The following MARCO variants were observed in gnomAD, a reference collection of about 807,000 sequenced individuals.
The protein encoded by MARCO is macrophage receptor with collagenous structure.
Under a neutral mutation model 70.0 loss-of-function variants are expected in MARCO, and 72 were observed. That is an observed-to-expected ratio of 1.03 (90% CI 0.85 to 1.25). The LOEUF is 1.25. Among genes scored for constraint, MARCO ranks in the 50% most tolerant of loss-of-function variants. The pLI is 0.00. For missense variants in MARCO, 696 were observed against 659.3 expected (o/e 1.06, Z -0.61); for synonymous variants, 273 against 243.1 (o/e 1.12, Z -1.14).
rs935486896 is a variant in MARCO, at chr2:118,990,645, G to C, written c.1108+12G>C. On this transcript the variant is annotated intron_variant, in intron 13 of 16. Transcript: ENST00000327097. ...ATCAGGAGTTCCAGGTAAAGGGCAG[G>C]CTGCATCTTCATCCCTCGGAGTGAT... 6.2e-7 allele frequency: 1 copy of C among 1,612,060 alleles called. No individual in the cohort carries two copies. Among genetic ancestry groups the C allele is most frequent in the South Asian group, 1.1e-5 (1 of 91,008 alleles).
At position 118,989,799 on chromosome 2, in the gene MARCO, A is replaced by G. The variant is rs373923284; in HGVS notation, c.1064-790A>G. Among the ~76,000 whole-genome samples, 76 of 152,280 alleles carry G rather than the reference A, an allele frequency of 5.0e-4. 2 individuals are homozygous for G. The East Asian group carries it at 0.014, about 28-fold the overall frequency. On this transcript the variant is annotated intron_variant, in intron 12 of 16. Transcript: ENST00000327097. Reference sequence around the variant, plus strand: ...TATTGATAGTCAATAATGAGCTTGCATTTTCCCAAGTTTGTGTAACTGCCT... The same window carrying G: ...TATTGATAGTCAATAATGAGCTTGCGTTTTCCCAAGTTTGTGTAACTGCCT...
At chr2:118,986,594 A>G (rs911805893) in intron 12 of MARCO, among the ~76,000 whole-genome samples, 121 of 8,080 alleles carry the variant, frequency 0.015, 1 homozygote, top group African/African-American at 0.053. Context: ...AAGAAGAAAG[A>G]AAGAAAGAAA....
intron 12 of MARCO, among the ~76,000 whole-genome samples, chr2:118,983,335 G>A (rs1680429613): frequency 6.6e-6 from 1 of 152,152 alleles, no homozygotes; most frequent in African/African-American, 2.4e-5. Context: ...ACCTACACTG[G>A]GACCTGGCCC....
chr2:118,974,303 C>T (rs1376116103), intron 4 of MARCO, 30 bp from the exon 5 acceptor site: 29 of 1,340,630 alleles, frequency 2.2e-5, no homozygotes, highest in Non-Finnish European at 2.9e-5. Context: ...TGTTGACTGA[C>T]TCATTAGTGT....
chr2:118,993,173 G>A lies in MARCO; in HGVS notation c.1302G>A (p.Arg434=), dbSNP rs138148307. Residue 434 remains arginine (R), a synonymous_variant, in exon 16 of 17, where the codon CGG becomes CGA. Transcript: ENST00000327097. ...TTGTCGGCAGTAGTAACCGAGGCCG[G>A]GCTGAAGTTTACTACAGTGGTACCT... The part of the protein sequence containing the change: ...VRIVGSSNRG[R]AEVYYSGTWG... The A allele has an allele frequency of 1.2e-3, 1,864 of 1,614,214 alleles. 2 individuals are homozygous for A. Among genetic ancestry groups the A allele is most frequent in the Non-Finnish European group, 1.4e-3 (1,663 of 1,180,032 alleles).
chr2:118,952,460 C>T (rs1396976846), intron 1 of MARCO: 1 of 152,366 alleles, frequency 6.6e-6, no homozygotes, highest in East Asian at 1.9e-4. Flanking sequence ...AGAGAGGACC[C>T]ACTCACTCCA....
intron 8 of MARCO, 84 bp downstream of exon 8, chr2:118,978,019 A>T: frequency 1.2e-6 from 1 of 838,392 alleles, no homozygotes; most frequent in Non-Finnish European, 1.9e-6. Context: ...GGGTCTATTC[A>T]GTGCCCACTG....
chr2:118,990,689 T>C (rs997673708), intron 13 of MARCO, 56 bp downstream of exon 13: 6 of 1,549,530 alleles, frequency 3.9e-6, no homozygotes, highest in Non-Finnish European at 5.3e-6. Context: ...AGGCCTGCCT[T>C]CTCAGAGGGC....
intron 1 of MARCO, among the ~76,000 whole-genome samples, chr2:118,946,856 C>A (rs2104544226): frequency 6.6e-6 from 1 of 152,354 alleles, no homozygotes; most frequent in East Asian, 1.9e-4. Context: ...TGTAGCCATT[C>A]TCGTAGATGT....
At chr2:118,982,309 A>G (rs569636308) in intron 11 of MARCO, 39 bp from the exon 12 acceptor site, 1 of 1,612,780 alleles carries the variant, frequency 6.2e-7, no homozygotes, top group East Asian at 2.2e-5. Flanking sequence ...AAACCTGCCT[A>G]GTCCAGCCCT....
chr2:118,994,193 AAAC>A (rs139356455), intron 16 of MARCO, among the ~76,000 whole-genome samples, 191 bp from the exon 17 acceptor site: 88,273 of 151,060 alleles, frequency 0.58, 25,973 homozygotes, highest in Non-Finnish European at 0.63. Flanking sequence ...GTCATTATAA[AAAC>A]AACAACAACA....
At chr2:118,989,793 G>A (rs1161289842) in intron 12 of MARCO, among the ~76,000 whole-genome samples, 1 of 152,190 alleles carries the variant, frequency 6.6e-6, no homozygotes, top group Non-Finnish European at 1.5e-5. Context: ...TCAATAATGA[G>A]CTTGCATTTT....
chr2:118,986,644 A>G lies in MARCO; in HGVS notation c.1064-3945A>G, dbSNP rs1290341683. On this transcript the variant is annotated intron_variant, in intron 12 of 16. Coordinates refer to ENST00000327097, the MANE Select transcript of MARCO (RefSeq NM_006770.4). ...AAGAAAGAAAGAAAGAAAGAAAGAAAGAAAGAAAGAAGGAAGGAAGGAAGG... is the reference window on the plus strand; with the variant it reads ...AAGAAAGAAAGAAAGAAAGAAAGAAGGAAAGAAAGAAGGAAGGAAGGAAGG... 1.0e-3 allele frequency among the ~76,000 whole-genome samples: 45 copies of G among 43,116 alleles called. 2 individuals are homozygous for G. The highest frequency in any genetic ancestry group is 8.5e-3 in the Middle Eastern group (1 of 118). 28.3% of individuals were successfully genotyped at this position (43,116 alleles called of 152,430 possible).
At chr2:118,977,660 C>A in intron 7 of MARCO, 145 bp downstream of exon 7, 1 of 767,000 alleles carries the variant, frequency 1.3e-6, no homozygotes, top group South Asian at 1.7e-5. Flanking sequence ...TCTCTTGAGT[C>A]CTGTCACATT....
intron 4 of MARCO, among the ~76,000 whole-genome samples, chr2:118,972,392 G>A (rs532112070): frequency 6.6e-6 from 1 of 152,248 alleles, no homozygotes; most frequent in African/African-American, 2.4e-5. Context: ...CACACCATTG[G>A]CCAGGGAGGG....
At chr2:118,979,277 T>C (rs1292021433) in intron 8 of MARCO, among the ~76,000 whole-genome samples, 3 of 152,220 alleles carry the variant, frequency 2.0e-5, no homozygotes, top group South Asian at 2.1e-4. Context: ...GGAGGACCAA[T>C]TGTGCTAAGG....
intron 8 of MARCO, among the ~76,000 whole-genome samples, chr2:118,979,352 T>C (rs1251399074): frequency 6.6e-6 from 1 of 152,176 alleles, no homozygotes; most frequent in Non-Finnish European, 1.5e-5. Context: ...GCATGGGTTT[T>C]AGCGGGAAGC....
intron 14 of MARCO, 64 bp downstream of exon 14, chr2:118,991,939 T>C (rs938508753): frequency 1.4e-4 from 157 of 1,158,814 alleles, no homozygotes; most frequent in Non-Finnish European, 1.8e-4. Flanking sequence ...TTCTGTACCT[T>C]AAAATAGGAA....
chr2:118,984,572 A>T lies in MARCO; in HGVS notation c.1063+2162A>T, dbSNP rs536160676. 2.4e-4 allele frequency among the ~76,000 whole-genome samples: 37 copies of T among 152,328 alleles called. 1 individual carries two copies. In the South Asian group the frequency reaches 7.0e-3, roughly 29 times the overall value. On this transcript the variant is annotated intron_variant, in intron 12 of 16. Coordinates refer to ENST00000327097, the MANE Select transcript of MARCO (RefSeq NM_006770.4). ...TGTGCAGGTTGCCCACCCGAGTCCA[A>T]ATGTTTTCCTTGATTTAGTAGCTGA...
Sources: gnomAD v4.1 joint callset for allele counts (sites outside exome capture counted in the v4.1 genomes callset) on GRCh38, gnomAD v4.1.1 for gene constraint, MANE v1.5 for transcripts, NCBI Gene and HGNC (gene_info 2026-07-23, HGNC 2026-07-21) for gene names.